CLYBL: variants seen among roughly 807,000 people sequenced by gnomAD.
CLYBL encodes citramalyl-CoA lyase.
In CLYBL, 31 loss-of-function variants were observed where a neutral mutation model predicts 38.9. The ratio of observed to expected loss-of-function variants is 0.80; its 90% CI spans 0.60 to 1.08. The LOEUF (loss-of-function observed/expected upper bound fraction) is 1.08, where lower values mean the gene tolerates loss of function less well. CLYBL is among the 50% of genes least tolerant of loss of function. The pLI is 0.00. For synonymous variants in CLYBL, 171 were observed against 158.6 expected, an observed-to-expected ratio of 1.08 and a Z score of -0.59; for missense variants, 434 against 411.6, an observed-to-expected ratio of 1.05 and a Z score of -0.47.
intron 1 of CLYBL, among the ~76,000 whole-genome samples, chr13:99,756,850 C>T (rs4340181): frequency 5.9e-5 from 9 of 151,970 alleles, no homozygotes; most frequent in Non-Finnish European, 1.2e-4. Flanking sequence ...AATGGACATG[C>T]GCTTCTTTGA....
chr13:99,809,737 C>T (rs951959038), intron 2 of CLYBL, among the ~76,000 whole-genome samples: 21 of 152,352 alleles, frequency 1.4e-4, no homozygotes, highest in Non-Finnish European at 2.5e-4. Flanking sequence ...GGCTCCCTCC[C>T]GGCCTTCACT....
intron 1 of CLYBL, among the ~76,000 whole-genome samples, chr13:99,750,505 C>T (rs965261733): frequency 2.0e-5 from 3 of 151,978 alleles, no homozygotes; most frequent in Admixed American, 1.3e-4. Flanking sequence ...GAAACCCCGT[C>T]TCTACCAAAA....
chr13:99,905,450 G>A (rs1256864000), intron 9 of CLYBL, among the ~76,000 whole-genome samples: 1 of 152,172 alleles, frequency 6.6e-6, no homozygotes, highest in Non-Finnish European at 1.5e-5. Flanking sequence ...CCAAAAGGGT[G>A]TCTTGAAGCC....
intron 1 of CLYBL, among the ~76,000 whole-genome samples, chr13:99,744,028 G>T (rs1694114317): frequency 6.9e-6 from 1 of 143,978 alleles, no homozygotes; most frequent in Admixed American, 7.0e-5. Context: ...GCTGGAATGC[G>T]GTGGCGCGAT....
At chr13:99,761,940 T>G (rs190387999) in intron 1 of CLYBL, among the ~76,000 whole-genome samples, 7 of 152,356 alleles carry the variant, frequency 4.6e-5, no homozygotes, top group African/African-American at 1.7e-4. Flanking sequence ...CATTTTTTCA[T>G]ATACTTGGCC....
At chr13:99,626,373 C>T (rs2046869820) in intron 1 of CLYBL, among the ~76,000 whole-genome samples, 1 of 152,192 alleles carries the variant, frequency 6.6e-6, no homozygotes, top group South Asian at 2.1e-4. Flanking sequence ...GATTCCCAGG[C>T]CAGCCCAGGA....
intron 2 of CLYBL, among the ~76,000 whole-genome samples, chr13:99,834,994 A>G (rs997896133): frequency 1.3e-5 from 2 of 151,882 alleles, no homozygotes; most frequent in Non-Finnish European, 2.9e-5. Context: ...GTTGGAACAC[A>G]CCTCCCTCTT....
intron 1 of CLYBL, among the ~76,000 whole-genome samples, chr13:99,736,071 A>C (rs1239480628): frequency 1.6e-5 from 2 of 123,888 alleles, no homozygotes; most frequent in African/African-American, 6.4e-5. Flanking sequence ...TTGAGCTGGA[A>C]TCTCGCTCTG....
intron 1 of CLYBL, among the ~76,000 whole-genome samples, chr13:99,722,730 A>G (rs1399532085): frequency 1.3e-5 from 2 of 152,240 alleles, no homozygotes; most frequent in African/African-American, 4.8e-5. Context: ...AAATGAAAAG[A>G]GAATAGGGCT....
chr13:99,837,152 A>AAAAT (rs935158714), intron 2 of CLYBL, among the ~76,000 whole-genome samples: 9 of 152,202 alleles, frequency 5.9e-5, no homozygotes, highest in East Asian at 5.8e-4. Flanking sequence ...GGGAACTGGA[A>AAAAT]AAATAAGGGT....
At chr13:99,674,255 G>A (rs1042920495) in intron 1 of CLYBL, among the ~76,000 whole-genome samples, 2 of 144,518 alleles carry the variant, frequency 1.4e-5, no homozygotes, top group African/African-American at 2.6e-5. Context: ...AGGTTCAAGC[G>A]ATTCTCCTGC....
intron 4 of CLYBL, among the ~76,000 whole-genome samples, 154 bp from the exon 5 acceptor site, chr13:99,864,664 C>T (rs938713636): frequency 2.0e-5 from 3 of 151,990 alleles, no homozygotes; most frequent in Non-Finnish European, 4.4e-5. Flanking sequence ...TATTAAATAC[C>T]TTTTGAAAGG....
Position 99,713,418 on chromosome 13 carries a change from C to A in CLYBL, c.63-59406C>A, listed in dbSNP as rs182921486. On this transcript the variant is annotated intron_variant, in intron 1 of 8. Coordinates refer to ENST00000339105, the MANE Select transcript of CLYBL (RefSeq NM_206808.5). ...GCAGTGGTGTGATCTTGGCTCACTG[C>A]AACCTCCGCCTCCCAGGTCCAGGTG... Among the ~76,000 whole-genome samples, 4 of 148,380 alleles carry A rather than the reference C, an allele frequency of 2.7e-5. No individual in the cohort carries two copies. In the East Asian group the frequency reaches 8.0e-4, roughly 30 times the overall value.
At chr13:99,735,781 G>T (rs1222983021) in intron 1 of CLYBL, among the ~76,000 whole-genome samples, 1 of 151,934 alleles carries the variant, frequency 6.6e-6, no homozygotes, top group African/African-American at 2.4e-5. Context: ...ATGTTAAAGA[G>T]AAAAAAATCT....
chr13:99,628,451 G>C (rs2046899561), intron 1 of CLYBL, among the ~76,000 whole-genome samples: 1 of 152,202 alleles, frequency 6.6e-6, no homozygotes, highest in Non-Finnish European at 1.5e-5. Flanking sequence ...CCTTGTGCTT[G>C]GAAAAGTCAG....
chr13:99,669,680 T>G (rs2047536374), intron 1 of CLYBL, among the ~76,000 whole-genome samples: 1 of 152,196 alleles, frequency 6.6e-6, no homozygotes, highest in African/African-American at 2.4e-5. Flanking sequence ...AAGATCCCTA[T>G]TTTTAGCTTT....
chr13:99,679,030 C>G (rs970654484), intron 1 of CLYBL, among the ~76,000 whole-genome samples: 1 of 152,118 alleles, frequency 6.6e-6, no homozygotes, highest in African/African-American at 2.4e-5. Context: ...CGTGGAGGCT[C>G]ATGTCTGTAA....
chr13:99,807,425 CG>C (rs2050253523), intron 2 of CLYBL, among the ~76,000 whole-genome samples: 2 of 152,114 alleles, frequency 1.3e-5, no homozygotes, highest in Admixed American at 1.3e-4. Context: ...GCCAAAAGGT[CG>C]AAGCAACCTA....
intron 2 of CLYBL, among the ~76,000 whole-genome samples, chr13:99,850,564 G>T (rs535087743): frequency 6.6e-6 from 1 of 152,328 alleles, no homozygotes; most frequent in African/African-American, 2.4e-5. Flanking sequence ...GAATCCTGGT[G>T]CATTGCCGAT....
Sources: allele counts gnomAD v4.1 joint callset (sites outside exome capture counted in the v4.1 genomes callset), GRCh38; gene constraint gnomAD v4.1.1; transcripts MANE v1.5; gene names NCBI Gene and HGNC (gene_info 2026-07-23, HGNC 2026-07-21).